Variants in CARNMT1 observed in about 807,000 individuals in gnomAD.
CARNMT1 encodes the protein carnosine N-methyltransferase 1.
In CARNMT1, 28 loss-of-function variants were observed where a neutral mutation model predicts 49.6. The ratio of observed to expected loss-of-function variants is 0.56; its 90% CI spans 0.42 to 0.77. The LOEUF is 0.77. Among genes scored for constraint, CARNMT1 ranks in the 30% least tolerant of loss-of-function variants. The pLI, the probability that CARNMT1 is intolerant of heterozygous loss-of-function variation, is 0.00. For missense variants in CARNMT1, 421 were observed against 512.6 expected, an observed-to-expected ratio of 0.82 and a Z score of 1.73; for synonymous variants, 178 against 175.0, an observed-to-expected ratio of 1.02 and a Z score of -0.13.
chr9:74,992,922 TA>T (rs1304105696), intron 6 of CARNMT1, among the ~76,000 whole-genome samples: 1 of 152,178 alleles, frequency 6.6e-6, no homozygotes, highest in Non-Finnish European at 1.5e-5. Flanking sequence ...GTTTACAGGG[TA>T]AATTAAGCCT....
intron 3 of CARNMT1, among the ~76,000 whole-genome samples, chr9:75,013,519 A>C (rs1476106648): frequency 6.6e-6 from 1 of 152,196 alleles, no homozygotes; most frequent in Non-Finnish European, 1.5e-5. Context: ...CGTAGGAGAA[A>C]GTTGGTTGAA....
At position 75,028,284 on chromosome 9, in the gene CARNMT1, G is replaced by C. The variant is rs966052966; in HGVS notation, c.-43C>G. 7.4e-7 allele frequency: 1 copy of C among 1,342,514 alleles called. No individual in the cohort carries two copies. The highest frequency in any genetic ancestry group is 9.5e-7 in the Non-Finnish European group (1 of 1,051,886). The allele number at this position is 1,342,514 out of a possible 1,614,324, so 83.2% of individuals were successfully genotyped here. On this transcript the variant is annotated 5_prime_UTR_variant, in exon 1 of 8. Transcript: ENST00000376834. ...GCCTGGCTCGCTTGCGTCTCTCCGC[G>C]ACCGACAGCGTGGTGGCGGCTGCTT...
chr9:75,027,449 G>C (rs1380191453), intron 1 of CARNMT1: 1 of 985,294 alleles, frequency 1.0e-6, no homozygotes, highest in African/African-American at 1.7e-5. Flanking sequence ...TAAAGACACT[G>C]AGCAGCATCA....
rs749463683 is a variant in CARNMT1 at position 75,027,961 on chromosome 9, A to G, written c.230+51T>C. 1.4e-4 allele frequency: 211 copies of G among 1,501,362 alleles called. 2 individuals carry two copies. In the East Asian group the frequency reaches 5.8e-3, roughly 41 times the overall value. The allele number at this position is 1,501,362 out of a possible 1,614,324, so 93.0% of individuals were successfully genotyped here. A position where few individuals can be genotyped will look rare whatever the true frequency, so the allele number is the denominator to read the frequency against. On this transcript the variant is annotated intron_variant, in intron 1 of 7. Coordinates refer to ENST00000376834, the MANE Select transcript of CARNMT1 (RefSeq NM_152420.3). ...CCCCCGTTCCGGCGGGTCCGCCGCCACCAGTGGGCGCCCCGACGGTCTGGG... is the reference window on the plus strand; with the variant it reads ...CCCCCGTTCCGGCGGGTCCGCCGCCGCCAGTGGGCGCCCCGACGGTCTGGG...
At chr9:75,000,126 G>C (rs1269030075) in intron 3 of CARNMT1, among the ~76,000 whole-genome samples, 1 of 152,054 alleles carries the variant, frequency 6.6e-6, no homozygotes, top group Non-Finnish European at 1.5e-5. Context: ...TACATCTCAA[G>C]ACTTATAAAG....
chr9:74,998,885 ATATT>A (rs1480979525), intron 4 of CARNMT1, 109 bp from the exon 5 acceptor site: 3 of 605,332 alleles, frequency 5.0e-6, no homozygotes, highest in East Asian at 3.1e-5. Context: ...TATATAATTA[ATATT>A]TAAAGAGTCA....
chr9:75,013,991 G>GAA (rs796949404), intron 3 of CARNMT1, among the ~76,000 whole-genome samples: 2 of 18,034 alleles, frequency 1.1e-4, no homozygotes, highest in African/African-American at 2.3e-4. Flanking sequence ...GAGAGAGAGA[G>GAA]AAAAAAAAAA....
intron 2 of CARNMT1, 99 bp from the exon 3 acceptor site, chr9:75,016,530 T>G: frequency 9.0e-7 from 1 of 1,110,322 alleles, no homozygotes; most frequent in Non-Finnish European, 1.3e-6. Flanking sequence ...GGTGGTTTAG[T>G]GGATAAATCA....
chr9:75,007,728 C>CAAAAAAAAAAAAAAA (rs201573769), intron 3 of CARNMT1, among the ~76,000 whole-genome samples: 1 of 79,994 alleles, frequency 1.3e-5, no homozygotes. Context: ...GACCCTGTCT[C>CAAAAAAAAAAAAAAA]AAAAAAATAA....
chr9:74,992,106 CACTT>C (rs1833041066), intron 6 of CARNMT1, among the ~76,000 whole-genome samples: 1 of 151,814 alleles, frequency 6.6e-6, no homozygotes, highest in African/African-American at 2.4e-5. Context: ...ACCCCATCTC[CACTT>C]AAAATACAAA....
At chr9:74,994,518 A>C (rs1264904899) in intron 6 of CARNMT1, among the ~76,000 whole-genome samples, 1 of 152,128 alleles carries the variant, frequency 6.6e-6, no homozygotes, top group Admixed American at 6.6e-5. Flanking sequence ...TCTGTGGTAC[A>C]CCCAAGTTGG....
At chr9:75,006,611 T>C (rs2118822284) in intron 3 of CARNMT1, among the ~76,000 whole-genome samples, 1 of 152,340 alleles carries the variant, frequency 6.6e-6, no homozygotes, top group South Asian at 2.1e-4. Flanking sequence ...TCCACTTTTA[T>C]AACAATTACT....
At chr9:75,022,289 T>C (rs949546212) in intron 1 of CARNMT1, among the ~76,000 whole-genome samples, 70 of 143,160 alleles carry the variant, frequency 4.9e-4, no homozygotes, top group African/African-American at 1.8e-3. Flanking sequence ...AGTGGCATGA[T>C]CTCAGCTCAC....
At chr9:74,995,168 C>T (rs942976527) in intron 6 of CARNMT1, among the ~76,000 whole-genome samples, 1 of 152,084 alleles carries the variant, frequency 6.6e-6, no homozygotes, top group Non-Finnish European at 1.5e-5. Context: ...TATATAAACA[C>T]AGGGTCATGT....
intron 3 of CARNMT1, among the ~76,000 whole-genome samples, chr9:75,005,873 C>CA (rs1554756709): frequency 3.8e-5 from 5 of 132,232 alleles, no homozygotes; most frequent in Non-Finnish European, 6.5e-5. Context: ...CACACACACA[C>CA]AATAAAAGGC....
At chr9:74,984,675 C>G (rs1205464902) in intron 7 of CARNMT1, among the ~76,000 whole-genome samples, 2 of 151,954 alleles carry the variant, frequency 1.3e-5, no homozygotes, top group African/African-American at 4.8e-5. Flanking sequence ...GACTTCAGTC[C>G]CCTCCCAAGA....
chr9:74,989,848 G>GA (rs769570394), intron 6 of CARNMT1, among the ~76,000 whole-genome samples: 30 of 152,182 alleles, frequency 2.0e-4, no homozygotes, highest in Non-Finnish European at 3.1e-4. Flanking sequence ...AGAGAAAGCA[G>GA]AAAATGACCT....
At chr9:74,988,215 C>T (rs998868345) in intron 6 of CARNMT1, among the ~76,000 whole-genome samples, 8 of 152,006 alleles carry the variant, frequency 5.3e-5, no homozygotes, top group Admixed American at 5.2e-4. Flanking sequence ...CCACACGCAG[C>T]TTTCTTCATA....
At chr9:74,989,847 A>G (rs1832962310) in intron 6 of CARNMT1, among the ~76,000 whole-genome samples, 1 of 152,262 alleles carries the variant, frequency 6.6e-6, no homozygotes, top group African/African-American at 2.4e-5. Context: ...AAGAGAAAGC[A>G]GAAAATGACC....
Sources: gnomAD v4.1 joint callset for allele counts (sites outside exome capture counted in the v4.1 genomes callset) on GRCh38, gnomAD v4.1.1 for gene constraint, MANE v1.5 for transcripts, NCBI Gene and HGNC (gene_info 2026-07-23, HGNC 2026-07-21) for gene names.